Variants in UNC13B observed in about 807,000 individuals in gnomAD.
UNC13B encodes unc-13 homolog B.
In UNC13B, 144 loss-of-function variants were observed where a neutral mutation model predicts 211.0. That is an observed-to-expected ratio of 0.68 (90% CI 0.60 to 0.78). The LOEUF (loss-of-function observed/expected upper bound fraction) is 0.78. Among genes scored for constraint, UNC13B ranks in the 30% least tolerant of loss-of-function variants. The pLI, the probability that UNC13B is intolerant of heterozygous loss-of-function variation, is 0.00. For missense variants in UNC13B, 1,777 were observed against 2,002.0 expected, an observed-to-expected ratio of 0.89 and a Z score of 2.14; for synonymous variants, 709 against 725.8, an observed-to-expected ratio of 0.98 and a Z score of 0.37.
rs972067245 is a variant in UNC13B at position 35,304,535 on chromosome 9, G to A, written c.5131G>A (p.Val1711Ile). The A allele has an allele frequency of 2.5e-6, 1 of 398,670 alleles. No individual in the cohort carries two copies. Among genetic ancestry groups the A allele is most frequent in the Non-Finnish European group, 4.4e-6 (1 of 225,914 alleles). The allele number at this position is 398,670 out of a possible 1,614,324, so 24.7% of individuals were successfully genotyped here. A position where few individuals can be genotyped will look rare whatever the true frequency, so the allele number is the denominator to read the frequency against. The change falls in exon 9 of 40, where the codon GTT (valine) becomes ATT (isoleucine). Residue 1711 changes from valine to isoleucine, a missense_variant. Physicochemically the swap from Val to Ile is conservative, Grantham distance 29. Transcript: ENST00000635942. The part of the protein sequence containing the change: ...KNQPLAEDSS[V>I]HLSSFHWLQS... ...CCAGCCTCTAGCTGAAGATTCATCA[G>A]TTCACCTTTCCAGTTTCCATTGGCT...
chr9:35,162,439 A>G (rs1193707653), intron 1 of UNC13B, 134 bp downstream of exon 1: 12 of 1,185,032 alleles, frequency 1.0e-5, no homozygotes, highest in Non-Finnish European at 1.3e-5. Flanking sequence ...TATTTTGGCA[A>G]TCACTTAACA....
chr9:35,219,378 A>G (rs902642467), intron 1 of UNC13B, among the ~76,000 whole-genome samples: 1 of 152,154 alleles, frequency 6.6e-6, no homozygotes, highest in Non-Finnish European at 1.5e-5. Context: ...GTACCTTGCT[A>G]AATTTATAGA....
At chr9:35,351,331 C>T (rs1376222217) in intron 11 of UNC13B, 38 of 1,221,652 alleles carry the variant, frequency 3.1e-5, no homozygotes, top group South Asian at 3.0e-4. Context: ...GGGGCATGTG[C>T]GAGGTTTGGA....
intron 1 of UNC13B, among the ~76,000 whole-genome samples, chr9:35,215,211 G>T (rs1422855957): frequency 6.6e-6 from 1 of 152,158 alleles, no homozygotes; most frequent in Non-Finnish European, 1.5e-5. Context: ...TTTGAGACCA[G>T]CCTGGGCAAC....
chr9:35,293,135 T>G (rs1292620732), intron 7 of UNC13B, among the ~76,000 whole-genome samples: 1 of 152,214 alleles, frequency 6.6e-6, no homozygotes, highest in Non-Finnish European at 1.5e-5. Context: ...TTCTCTCTCT[T>G]GCCCTCTCCT....
chr9:35,285,977 C>T (rs1365759563), intron 7 of UNC13B, among the ~76,000 whole-genome samples: 1 of 152,114 alleles, frequency 6.6e-6, no homozygotes, highest in Non-Finnish European at 1.5e-5. Context: ...ACTTGCTATA[C>T]TCCCGTATTT....
rs1829808577 is a variant in UNC13B, at chr9:35,303,999, A to G, written c.4595A>G (p.Tyr1532Cys). 2.5e-6 allele frequency: 1 copy of G among 398,612 alleles called. No individual in the cohort carries two copies. Among genetic ancestry groups the G allele is most frequent in the South Asian group, 1.3e-4 (1 of 7,852 alleles). The allele number at this position is 398,612 out of a possible 1,614,324, so 24.7% of individuals were successfully genotyped here. A position where few individuals can be genotyped will look rare whatever the true frequency, so the allele number is the denominator to read the frequency against. Residue 1532 changes from tyrosine to cysteine, a missense_variant, in exon 9 of 40, where the codon TAT becomes TGT. Tyr to Cys is a radical substitution (Grantham distance 194, BLOSUM62 -2). Coordinates refer to ENST00000635942, the MANE Select transcript of UNC13B (RefSeq NM_001371189.2). ...TCAGAGGATGGGGATTATGGATATT[A>G]TATGTTTCATGATGGTCAATATATC... Reference protein sequence around the residue: ...WPSEDGDYGYYMFHDGQYIYS... With the variant: ...WPSEDGDYGYCMFHDGQYIYS...
intron 12 of UNC13B, among the ~76,000 whole-genome samples, chr9:35,368,386 A>T (rs1833907989): frequency 6.6e-6 from 1 of 152,102 alleles, no homozygotes; most frequent in Non-Finnish European, 1.5e-5. Flanking sequence ...AAAGGACATG[A>T]TCTCGTTCTT....
chr9:35,366,468 C>A (rs982777036), intron 11 of UNC13B, among the ~76,000 whole-genome samples: 1 of 152,100 alleles, frequency 6.6e-6, no homozygotes, highest in Admixed American at 6.5e-5. Flanking sequence ...GGCACCCAAA[C>A]TAAATCCAAC....
In UNC13B at chr9:35,303,356, G is replaced by C. The variant is rs1432984275; in HGVS notation, c.3952G>C (p.Glu1318Gln). The change falls in exon 9 of 40, where the codon GAG (glutamate) becomes CAG (glutamine). Residue 1318 changes from glutamate (E) to glutamine (Q), a missense_variant. By Grantham distance (29) the Glu-to-Gln change is conservative. Coordinates refer to ENST00000635942, the MANE Select transcript of UNC13B (RefSeq NM_001371189.2). ...GAGGCAAATGCCAAACCATGTTCTT[G>C]AGGCAAAACTACATGAAAATTCAAA... Reference protein sequence around the residue: ...AKRQMPNHVLEAKLHENSNKL... With the variant: ...AKRQMPNHVLQAKLHENSNKL... 1.8e-5 allele frequency: 7 copies of C among 398,530 alleles called. No homozygotes were observed. The highest frequency in any genetic ancestry group is 1.2e-4 in the African/African-American group (6 of 48,620). The allele number at this position is 398,530 out of a possible 1,614,324, so 24.7% of individuals were successfully genotyped here. A position where few individuals can be genotyped will look rare whatever the true frequency, so the allele number is the denominator to read the frequency against.
chr9:35,228,703 AGTGTGTGTGTGTGTGTGTGTGTGTGTGT>A (rs56971215), intron 2 of UNC13B, among the ~76,000 whole-genome samples: 1 of 140,498 alleles, frequency 7.1e-6, no homozygotes, highest in African/African-American at 2.7e-5. Flanking sequence ...ACATCATGAA[AGTGTGTGTGTGTGTGTGTGTGTGTGTGT>A]GTGTGTGTGT....
chr9:35,390,368 C>G (rs926815740), intron 25 of UNC13B, among the ~76,000 whole-genome samples: 3 of 152,250 alleles, frequency 2.0e-5, no homozygotes, highest in African/African-American at 7.2e-5. Flanking sequence ...CCTGGAGAGT[C>G]TCTACCTCTC....
intron 1 of UNC13B, among the ~76,000 whole-genome samples, chr9:35,179,820 G>A (rs927432043): frequency 6.6e-6 from 1 of 152,100 alleles, no homozygotes; most frequent in African/African-American, 2.4e-5. Flanking sequence ...AATAGAGAGA[G>A]ATGATACTTT....
At position 35,404,473 on chromosome 9, in the gene UNC13B, T is replaced by C. The variant is rs374890923; in HGVS notation, c.*440T>C. The C allele has an allele frequency of 7.9e-4, 155 of 195,434 alleles. 2 individuals are homozygous for C. In the South Asian group the frequency reaches 0.014, roughly 18 times the overall value. The allele number at this position is 195,434 out of a possible 1,614,324, so 12.1% of individuals were successfully genotyped here. On this transcript the variant is annotated 3_prime_UTR_variant, in exon 40 of 40. Coordinates refer to ENST00000635942, the MANE Select transcript of UNC13B (RefSeq NM_001371189.2). ...CTGGCTGGGTAGTCAGCTGAGCCTG[T>C]TGCTGAGCCCGGTGGTCTGGATTGG...
At chr9:35,372,187 G>A (rs1053915291) in intron 13 of UNC13B, among the ~76,000 whole-genome samples, 5 of 152,160 alleles carry the variant, frequency 3.3e-5, no homozygotes, top group African/African-American at 9.7e-5. Flanking sequence ...CAGGAGAATC[G>A]CTTGAACCCG....
chr9:35,225,368 C>T (rs1458173204), intron 1 of UNC13B, among the ~76,000 whole-genome samples: 1 of 152,146 alleles, frequency 6.6e-6, no homozygotes, highest in Admixed American at 6.5e-5. Context: ...CCATGTTGGC[C>T]AAGCTGGTCT....
At chr9:35,262,654 C>T (rs946905073) in intron 7 of UNC13B, among the ~76,000 whole-genome samples, 5 of 152,142 alleles carry the variant, frequency 3.3e-5, no homozygotes, top group Non-Finnish European at 4.4e-5. Context: ...AATCTGGCCA[C>T]GCACTGTGGC....
At chr9:35,348,080 A>AAAAACAAAAACAAAACAAAAC (rs1444373926) in intron 11 of UNC13B, among the ~76,000 whole-genome samples, 1 of 152,188 alleles carries the variant, frequency 6.6e-6, no homozygotes, top group Non-Finnish European at 1.5e-5. Context: ...CTACTAAAAC[A>AAAAACAAAAACAAAACAAAAC]AAAACAAAAA....
At position 35,308,414 on chromosome 9, in the gene UNC13B, C is replaced by T. The variant is rs1341070560; in HGVS notation, c.9008+2C>T. On this transcript the variant is annotated splice_donor_variant, in intron 9 of 39. Coordinates refer to ENST00000635942, the MANE Select transcript of UNC13B (RefSeq NM_001371189.2). LOFTEE classifies it low-confidence loss of function (GC_TO_GT_DONOR). Reference sequence around the variant, plus strand: ...CAAGGAGCCCATGACCAACAAAAGGCCTGTTCTTAACTCAAGCATCATAAA... The same window carrying T: ...CAAGGAGCCCATGACCAACAAAAGGTCTGTTCTTAACTCAAGCATCATAAA... 2 of 398,788 alleles carry T rather than the reference C, an allele frequency of 5.0e-6. No individual in the cohort carries two copies. The highest frequency in any genetic ancestry group is 4.1e-5 in the African/African-American group (2 of 48,600). 24.7% of individuals were successfully genotyped at this position (398,788 alleles called of 1,614,324 possible). A position where few individuals can be genotyped will look rare whatever the true frequency, so the allele number is the denominator to read the frequency against.
Sources: allele counts gnomAD v4.1 joint callset (sites outside exome capture counted in the v4.1 genomes callset), GRCh38; gene constraint gnomAD v4.1.1; transcripts MANE v1.5; gene names NCBI Gene and HGNC (gene_info 2026-07-23, HGNC 2026-07-21).